Variants in LMNTD1 observed in about 807,000 individuals in gnomAD.
The protein encoded by LMNTD1 is lamin tail domain-containing protein 1.
A neutral mutation model predicts 50.9 loss-of-function variants in LMNTD1; 35 were observed. That is an observed-to-expected ratio of 0.69 (90% CI 0.53 to 0.91). The LOEUF is 0.91. LMNTD1 is among the 40% of genes least tolerant of loss of function. The pLI, the probability that LMNTD1 is intolerant of heterozygous loss-of-function variation, is 0.00. For missense variants in LMNTD1, 470 were observed against 475.5 expected (o/e 0.99, Z 0.11); for synonymous variants, 153 against 161.9 (o/e 0.94, Z 0.42).
chr12:25,623,811 G>A (rs1052578857), intron 1 of LMNTD1, among the ~76,000 whole-genome samples: 1 of 152,040 alleles, frequency 6.6e-6, no homozygotes, highest in East Asian at 1.9e-4. Context: ...GAGAGAGATG[G>A]TGGCAGACCC....
intron 1 of LMNTD1, among the ~76,000 whole-genome samples, chr12:25,590,672 G>A (rs1400091015): frequency 6.6e-6 from 1 of 152,198 alleles, no homozygotes; most frequent in Non-Finnish European, 1.5e-5. Context: ...GGAGAGGGAA[G>A]AGTATGGAGG....
chr12:25,546,692 T>C (rs1943457515), intron 3 of LMNTD1, 138 bp from the exon 4 acceptor site: 1 of 467,642 alleles, frequency 2.1e-6, no homozygotes, highest in Non-Finnish European at 3.5e-6. Flanking sequence ...TCAAACTTAA[T>C]GAGAATAGTT....
At chr12:25,607,348 A>G (rs1250520234) in intron 1 of LMNTD1, among the ~76,000 whole-genome samples, 3 of 151,790 alleles carry the variant, frequency 2.0e-5, no homozygotes, top group Non-Finnish European at 2.9e-5. Flanking sequence ...TTCTGCTCTG[A>G]TCTTAGTTAT....
chr12:25,519,495 G>GC (rs1202649953), intron 7 of LMNTD1, among the ~76,000 whole-genome samples: 1 of 150,748 alleles, frequency 6.6e-6, no homozygotes, highest in East Asian at 2.0e-4. Flanking sequence ...GGCTAAGGCA[G>GC]CAGAATGGCG....
chr12:25,479,576 A>G (rs1938376870), intron 9 of LMNTD1, among the ~76,000 whole-genome samples: 1 of 152,188 alleles, frequency 6.6e-6, no homozygotes, highest in South Asian at 2.1e-4. Flanking sequence ...GAATTCCATG[A>G]GCATGAGCCC....
At chr12:25,533,983 G>A (rs1336461245) in intron 4 of LMNTD1, among the ~76,000 whole-genome samples, 4 of 152,172 alleles carry the variant, frequency 2.6e-5, no homozygotes, top group African/African-American at 4.8e-5. Context: ...TTTCTTAGAG[G>A]TTGAGATGGA....
intron 1 of LMNTD1, among the ~76,000 whole-genome samples, chr12:25,566,640 G>A (rs750150156): frequency 6.6e-5 from 10 of 152,200 alleles, no homozygotes; most frequent in Non-Finnish European, 1.0e-4. Flanking sequence ...ACGAACACCA[G>A]TGTAAAAACA....
At chr12:25,581,216 T>C (rs905391808) in intron 1 of LMNTD1, among the ~76,000 whole-genome samples, 1 of 152,196 alleles carries the variant, frequency 6.6e-6, no homozygotes, top group Non-Finnish European at 1.5e-5. Flanking sequence ...CAGAGTTATA[T>C]ACTAGGGATA....
Position 25,615,928 on chromosome 12 carries a change from T to C in LMNTD1, c.58+32566A>G, listed in dbSNP as rs1296728648. On this transcript the variant is annotated intron_variant, in intron 1 of 7. Transcript: ENST00000445693. ...TCTGCCTAAAGTTATATGTGGAAGA[T>C]CATTATTCACTCATGTATATTCAAC... is the stretch of plus-strand genomic sequence containing the variant. 2.6e-5 allele frequency among the ~76,000 whole-genome samples: 4 copies of C among 152,290 alleles called. No homozygotes were observed. In the East Asian group the frequency reaches 7.7e-4, roughly 29 times the overall value.
chr12:25,488,684 G>A lies in LMNTD1; in HGVS notation c.*23-12224C>T, dbSNP rs533985021. 2.5e-4 allele frequency among the ~76,000 whole-genome samples: 38 copies of A among 152,252 alleles called. No homozygotes were observed. In the South Asian group the frequency reaches 5.2e-3, roughly 21 times the overall value. On this transcript the variant is annotated intron_variant, in intron 9 of 9. Transcript: ENST00000458174. ...TGTTCCGTTGCTGGTGAGGAACTGC[G>A]TTCCTTTGGAGGAGGAGAGGCACTC...
chr12:25,645,901 C>A (rs561857473), intron 1 of LMNTD1, among the ~76,000 whole-genome samples: 1 of 152,240 alleles, frequency 6.6e-6, no homozygotes, highest in African/African-American at 2.4e-5. Context: ...GTCACTACTG[C>A]TGCATGGTAG....
chr12:25,561,011 G>A (rs1337656277), intron 1 of LMNTD1, among the ~76,000 whole-genome samples: 1 of 152,114 alleles, frequency 6.6e-6, no homozygotes, highest in Non-Finnish European at 1.5e-5. Flanking sequence ...TTTCCTAATT[G>A]AATACCCTTT....
intron 9 of LMNTD1, among the ~76,000 whole-genome samples, chr12:25,502,231 C>A (rs1477196185): frequency 6.6e-6 from 1 of 152,104 alleles, no homozygotes; most frequent in Non-Finnish European, 1.5e-5. Context: ...AAAAATTCCC[C>A]CCCTTTTTTT....
intron 1 of LMNTD1, among the ~76,000 whole-genome samples, chr12:25,567,568 G>A (rs1565487319): frequency 6.6e-6 from 1 of 152,052 alleles, no homozygotes; most frequent in Non-Finnish European, 1.5e-5. Flanking sequence ...GGAGGTGATG[G>A]GATCATGGGG....
chr12:25,509,146 C>T (rs1286189921), intron 8 of LMNTD1, among the ~76,000 whole-genome samples: 1 of 152,156 alleles, frequency 6.6e-6, no homozygotes, highest in Non-Finnish European at 1.5e-5. Flanking sequence ...TCACTCTTGT[C>T]GTCCAGGCTG....
intron 9 of LMNTD1, among the ~76,000 whole-genome samples, chr12:25,494,849 G>A (rs1411898963): frequency 4.6e-5 from 7 of 151,884 alleles, no homozygotes; most frequent in Non-Finnish European, 8.8e-5. Flanking sequence ...TTGTTTCGTG[G>A]CAAAAACATA....
At chr12:25,502,714 C>T (rs10161166) in intron 9 of LMNTD1, among the ~76,000 whole-genome samples, 27,717 of 152,118 alleles carry the variant, frequency 0.18, 2,711 homozygotes, top group Middle Eastern at 0.24. Flanking sequence ...ATCACATTTT[C>T]AGGAAGTTGG....
chr12:25,541,838 T>C (rs1943099935), intron 4 of LMNTD1, among the ~76,000 whole-genome samples: 1 of 141,486 alleles, frequency 7.1e-6, no homozygotes, highest in South Asian at 2.4e-4. Flanking sequence ...AAAGGGCTAA[T>C]ATCCAGAATC....
chr12:25,585,700 T>C (rs1011924795), intron 1 of LMNTD1, among the ~76,000 whole-genome samples: 6 of 152,206 alleles, frequency 3.9e-5, no homozygotes, highest in African/African-American at 1.4e-4. Flanking sequence ...TGAAGAGATG[T>C]GATGTCTAAT....
Sources: gnomAD v4.1 joint callset for allele counts (sites outside exome capture counted in the v4.1 genomes callset) on GRCh38, gnomAD v4.1.1 for gene constraint, MANE v1.5 for transcripts, NCBI Gene and HGNC (gene_info 2026-07-23, HGNC 2026-07-21) for gene names.